Variants in MPRIP observed in about 807,000 individuals in gnomAD.
MPRIP encodes the protein myosin phosphatase Rho interacting protein, also known as myosin phosphatase Rho-interacting protein.
Under a neutral mutation model 234.9 loss-of-function variants are expected in MPRIP, and 59 were observed. That is an observed-to-expected ratio of 0.25 (90% confidence interval 0.20 to 0.31). MPRIP has a LOEUF of 0.31. Among genes scored for constraint, MPRIP ranks in the 10% least tolerant of loss-of-function variants. The pLI, the probability that MPRIP is intolerant of heterozygous loss-of-function variation, is 1.00. For synonymous variants in MPRIP, 1,144 were observed against 1,263.9 expected (o/e 0.91, Z 2.01); for missense variants, 2,436 against 3,071.0 (o/e 0.79, Z 4.89).
At chr17:17,075,640 T>C in intron 1 of MPRIP, 70 bp from the exon 2 acceptor site, 2 of 1,322,582 alleles carry the variant, frequency 1.5e-6, no homozygotes, top group South Asian at 2.4e-5. Flanking sequence ...GAGTGCTTGC[T>C]GTTAACTTGA....
In MPRIP at chr17:17,191,474, A is replaced by G. The variant is rs549062981; in HGVS notation, c.*6580A>G. On this transcript the variant is annotated 3_prime_UTR_variant, in exon 24 of 24. Coordinates refer to ENST00000651222, the MANE Select transcript of MPRIP (RefSeq NM_001364716.4). ...GATGCAGCTGTTTTTTACAGCACCT[A>G]TTTTTGTCAGATTGGTAAGGAAACA... is the stretch of plus-strand genomic sequence containing the variant. 1 of 152,140 alleles carries G rather than the reference A, an allele frequency of 6.6e-6. No homozygotes were observed. Among genetic ancestry groups the G allele is most frequent in the African/African-American group, 2.4e-5 (1 of 41,424 alleles). 9.4% of individuals were successfully genotyped at this position (152,140 alleles called of 1,614,324 possible).
Position 17,105,062 on chromosome 17 carries a change from C to G in MPRIP, c.268-21640C>G, listed in dbSNP as rs138356574. On this transcript the variant is annotated intron_variant, in intron 3 of 23. Coordinates refer to ENST00000651222, the MANE Select transcript of MPRIP (RefSeq NM_001364716.4). ...CTCCTGTCTTCCCTGTCACAGTCCA[C>G]TTTAGGGTTATATAAACCACACACA... 1.7e-3 allele frequency among the ~76,000 whole-genome samples: 263 copies of G among 152,302 alleles called. 1 individual carries two copies. The highest frequency in any genetic ancestry group is 6.8e-3 in the Middle Eastern group (2 of 294).
chr17:17,057,640 A>C (rs1280659990), intron 1 of MPRIP: 1 of 717,934 alleles, frequency 1.4e-6, no homozygotes, highest in Non-Finnish European at 2.6e-6. Context: ...TGGCAGCAAA[A>C]CACCCACCCC....
rs984359453 is a variant in MPRIP at position 17,060,120 on chromosome 17, A to G, written c.124-15590A>G. The stretch of plus-strand genomic sequence containing the variant: ...GCCAGCTTCCTGACCTCCTGCGCAG[A>G]TGGCCAGGCTGGGTGTGTGCTGCAG... On this transcript the variant is annotated intron_variant, in intron 1 of 23. Transcript: ENST00000651222. Among the ~76,000 whole-genome samples the G allele has an allele frequency of 2.6e-5, 4 of 152,152 alleles. No individual in the cohort carries two copies. The East Asian group carries it at 5.8e-4, about 22-fold the overall frequency.
intron 3 of MPRIP, among the ~76,000 whole-genome samples, chr17:17,086,931 G>A (rs1181529322): frequency 6.6e-6 from 1 of 152,154 alleles, no homozygotes; most frequent in Non-Finnish European, 1.5e-5. Flanking sequence ...GGGAGGTTGG[G>A]GGAGAAGAGC....
chr17:17,058,432 C>T (rs1212166412), intron 1 of MPRIP, among the ~76,000 whole-genome samples: 5 of 150,002 alleles, frequency 3.3e-5, no homozygotes, highest in Non-Finnish European at 7.4e-5. Flanking sequence ...GAGGAGAGCT[C>T]TAGGACTGTT....
intron 15 of MPRIP, among the ~76,000 whole-genome samples, chr17:17,163,151 G>A (rs2045908928): frequency 6.6e-6 from 1 of 152,232 alleles, no homozygotes; most frequent in Admixed American, 6.5e-5. Context: ...AGCTACTGGG[G>A]TGGGTGCTAT....
In MPRIP at chr17:17,166,534, G is replaced by A. The variant is rs1166379020; in HGVS notation, c.4943G>A (p.Gly1648Glu). The A allele has an allele frequency of 7.7e-7, 1 of 1,304,250 alleles. No individual in the cohort carries two copies. Among genetic ancestry groups the A allele is most frequent in the Admixed American group, 2.3e-5 (1 of 43,576 alleles). The allele number at this position is 1,304,250 out of a possible 1,614,324, so 80.8% of individuals were successfully genotyped here. The change falls in exon 16 of 24, where the codon GGA (glycine) becomes GAA (glutamate). Residue 1648 changes from glycine to glutamate, a missense_variant. By Grantham distance (98) the Gly-to-Glu change is moderately conservative. Transcript: ENST00000651222. The surrounding 1 kb of genome is among the most constrained non-coding windows in gnomAD (Gnocchi z 4.4). ...TLGGEAVGASGDGQQSIPQGL... is the reference protein window; with the variant it reads ...TLGGEAVGASEDGQQSIPQGL... ...GGAGGAGAGGCAGTCGGTGCCTCAG[G>A]AGACGGGCAGCAAAGCATCCCACAG... is the stretch of plus-strand genomic sequence containing the variant.
chr17:17,174,111 G>A (rs772584308), intron 19 of MPRIP, 36 bp downstream of exon 19: 1 of 1,607,800 alleles, frequency 6.2e-7, no homozygotes, highest in Non-Finnish European at 8.5e-7. Context: ...AGGTTAGTCA[G>A]GGGCACTCAA....
chr17:17,154,852 T>G (rs796221132), intron 13 of MPRIP, among the ~76,000 whole-genome samples: 9 of 127,272 alleles, frequency 7.1e-5, no homozygotes, highest in African/African-American at 2.9e-4. Context: ...CTACGTCTGT[T>G]TGATTTCTGT....
chr17:17,103,408 G>A (rs1227838696), intron 3 of MPRIP, among the ~76,000 whole-genome samples: 2 of 152,214 alleles, frequency 1.3e-5, no homozygotes, highest in African/African-American at 2.4e-5. Flanking sequence ...TGGGAGCAGC[G>A]GCTGCTATTT....
chr17:17,165,530 G>A lies in MPRIP; in HGVS notation c.3939G>A (p.Gly1313=), dbSNP rs746517451. Residue 1313 remains glycine (G), a synonymous_variant, in exon 16 of 24, where the codon GGG becomes GGA. Coordinates refer to ENST00000651222, the MANE Select transcript of MPRIP (RefSeq NM_001364716.4). The part of the protein sequence containing the change: ...HQQGTAKLDQ[G]APGVKRQRIR... ...AGGGCACAGCCAAACTCGACCAAGGGGCACCTGGTGTTAAAAGGCAAAGAA... is the reference window on the plus strand; with the variant it reads ...AGGGCACAGCCAAACTCGACCAAGGAGCACCTGGTGTTAAAAGGCAAAGAA... 3.8e-6 allele frequency: 5 copies of A among 1,304,460 alleles called. No homozygotes were observed. Among genetic ancestry groups the A allele is most frequent in the Non-Finnish European group, 5.1e-6 (5 of 988,996 alleles). The allele number at this position is 1,304,460 out of a possible 1,614,324, so 80.8% of individuals were successfully genotyped here.
chr17:17,059,826 A>G (rs923016467), intron 1 of MPRIP, among the ~76,000 whole-genome samples: 1 of 152,174 alleles, frequency 6.6e-6, no homozygotes, highest in Non-Finnish European at 1.5e-5. Context: ...AGGTGAGCCA[A>G]TTGCAGTCTG....
chr17:17,165,742 A>C lies in MPRIP; in HGVS notation c.4151A>C (p.His1384Pro). 1 of 1,304,642 alleles carries C rather than the reference A, an allele frequency of 7.7e-7. No homozygotes were observed. Among genetic ancestry groups the C allele is most frequent in the Non-Finnish European group, 1.0e-6 (1 of 988,924 alleles). 80.8% of individuals were successfully genotyped at this position (1,304,642 alleles called of 1,614,324 possible). The change falls in exon 16 of 24, where the codon CAC becomes CCC. Residue 1384 changes from histidine to proline, a missense_variant. Around this residue, in one of 4 missense-constraint regions of MPRIP, gnomAD observed 1,998 missense variants for 2,520.3 expected, o/e 0.79. Coordinates refer to ENST00000651222, the MANE Select transcript of MPRIP (RefSeq NM_001364716.4). ...GDSDTYLSII[H>P]SLETKLYVTE... ...TCTGACACGTACCTCTCCATCATCC[A>C]CTCCCTGGAGACCAAGCTCTACGTC...
At chr17:17,133,592 T>A (rs1245298217) in intron 5 of MPRIP, among the ~76,000 whole-genome samples, 3 of 152,144 alleles carry the variant, frequency 2.0e-5, no homozygotes, top group Non-Finnish European at 4.4e-5. Context: ...AGTTTCAGAT[T>A]GAACCAGTGG....
intron 12 of MPRIP, among the ~76,000 whole-genome samples, chr17:17,152,466 G>A (rs562461435): frequency 1.3e-5 from 2 of 152,354 alleles, no homozygotes; most frequent in South Asian, 2.1e-4. Flanking sequence ...GATGACTTTC[G>A]GTGATCCCCA....
Position 17,171,745 on chromosome 17 carries a change from A to G in MPRIP, c.6352A>G (p.Met2118Val), listed in dbSNP as rs1268305438. The G allele has an allele frequency of 3.7e-6, 6 of 1,613,270 alleles. No individual in the cohort carries two copies. Among genetic ancestry groups the G allele is most frequent in the African/African-American group, 1.3e-5 (1 of 74,920 alleles). ...KATCERGFAAMEETHQKKIED... is the reference protein window; with the variant it reads ...KATCERGFAAVEETHQKKIED... ...CACGTGCGAGCGAGGGTTTGCAGCA[A>G]TGGAAGAAACGCACCAGAAGAAGAT... The change falls in exon 17 of 24, where the codon ATG becomes GTG. Residue 2118 changes from methionine to valine, a missense_variant. Met to Val is a conservative substitution (Grantham distance 21, BLOSUM62 1). Transcript: ENST00000651222.
intron 4 of MPRIP, 49 bp downstream of exon 4, chr17:17,126,902 C>G: frequency 6.3e-7 from 1 of 1,590,884 alleles, no homozygotes; most frequent in Non-Finnish European, 8.6e-7. Context: ...TGCCACAGGG[C>G]CAACACCAGA....
rs548356248 is a variant in MPRIP at position 17,059,009 on chromosome 17, GC to G, written c.123+16039del. Among the ~76,000 whole-genome samples the G allele has an allele frequency of 1.6e-3, 237 of 152,194 alleles. 1 individual carries two copies. In the Middle Eastern group the frequency reaches 0.017, roughly 11 times the overall value. On this transcript the variant is annotated intron_variant, in intron 1 of 23. Transcript: ENST00000651222. ...TCTTGATTATTGAGGCCCTCAGAAC[GC>G]TTTAGTTTACCTGGGTTATGTCCAT...
Sources: allele counts gnomAD v4.1 joint callset (sites outside exome capture counted in the v4.1 genomes callset), GRCh38; gene constraint gnomAD v4.1.1; regional missense constraint gnomAD v4.1.1; non-coding constraint Gnocchi (gnomAD v3.1); transcripts MANE v1.5; gene names NCBI Gene and HGNC (gene_info 2026-07-23, HGNC 2026-07-21).